Variants in COL6A5 observed in about 807,000 individuals in gnomAD.
COL6A5 encodes collagen alpha-5(VI) chain.
COL6A5 carries 48 observed loss-of-function variants against 65.6 expected under a neutral mutation model. The observed-to-expected ratio is 0.73, with a 90% CI of 0.58 to 0.93. COL6A5 has a LOEUF of 0.93. Ranked by LOEUF, COL6A5 falls within the 40% of genes least tolerant of loss-of-function variation. The pLI is 0.00. For missense variants in COL6A5, 914 were observed against 928.3 expected (o/e 0.98, Z 0.20); for synonymous variants, 291 against 322.8 (o/e 0.90, Z 1.05).
chr3:130,482,580 A>G (rs760790275), intron 7 of COL6A5, among the ~76,000 whole-genome samples: 21 of 152,176 alleles, frequency 1.4e-4, no homozygotes, highest in Admixed American at 5.9e-4. Context: ...AATTCTGTGA[A>G]GAAAGTCAAT....
At chr3:130,477,519 T>C (rs1483609175) in intron 7 of COL6A5, among the ~76,000 whole-genome samples, 1 of 152,062 alleles carries the variant, frequency 6.6e-6, no homozygotes, top group Admixed American at 6.6e-5. Context: ...AGTGGAACTG[T>C]ATCTTTTTTC....
upstream of COL6A5, chr3:130,431,382 A>G (rs1173199747): frequency 2.7e-6 from 4 of 1,457,702 alleles, no homozygotes; most frequent in African/African-American, 4.2e-5. Flanking sequence ...CTCTGTATGA[A>G]CCCACTTCAT....
At chr3:130,349,265 T>C (rs1934615973) in intron 1 of COL6A5, among the ~76,000 whole-genome samples, 1 of 152,212 alleles carries the variant, frequency 6.6e-6, no homozygotes, top group African/African-American at 2.4e-5. Flanking sequence ...GAGAATGGAA[T>C]AATGGAATTA....
intron 12 of COL6A5, among the ~76,000 whole-genome samples, chr3:130,402,439 C>A (rs2107665554): frequency 1.3e-5 from 2 of 152,082 alleles, no homozygotes; most frequent in African/African-American, 4.8e-5. Context: ...TAAAATATGT[C>A]AATGAAAATG....
intron 13 of COL6A5, among the ~76,000 whole-genome samples, chr3:130,405,009 A>T (rs766772626): frequency 1.3e-5 from 2 of 152,228 alleles, no homozygotes; most frequent in Non-Finnish European, 2.9e-5. Context: ...TCCTTGGAGA[A>T]GCAAGGTTGG....
At chr3:130,362,318 ATATATATATTTTTTTT>A (rs1305923401) in intron 1 of COL6A5, among the ~76,000 whole-genome samples, 201 of 4,376 alleles carry the variant, frequency 0.046, 4 homozygotes, top group Non-Finnish European at 0.079. Flanking sequence ...ATATATATAT[ATATATATATTTTTTTT>A]TTTTTTTTTT....
At chr3:130,347,378 ATATT>A (rs1028000387) in intron 1 of COL6A5, among the ~76,000 whole-genome samples, 1 of 151,298 alleles carries the variant, frequency 6.6e-6, no homozygotes, top group African/African-American at 2.4e-5. Flanking sequence ...TTATATATAT[ATATT>A]AAGTTAAAAC....
intron 6 of COL6A5, among the ~76,000 whole-genome samples, chr3:130,389,959 T>C (rs77949734): frequency 0.032 from 4,941 of 152,276 alleles, 97 homozygotes; most frequent in South Asian, 0.082. Flanking sequence ...GAGATTTTCA[T>C]TGGACTTTAT....
intron 6 of COL6A5, 36 bp downstream of exon 6, chr3:130,389,170 G>T: frequency 3.1e-6 from 4 of 1,305,648 alleles, no homozygotes; most frequent in Non-Finnish European, 4.0e-6. Context: ...ACTAAAGGAT[G>T]TGAGCTGTTG....
At chr3:130,354,045 C>CAAGAAAAGCAAGCAAACAAGA in intron 1 of COL6A5, among the ~76,000 whole-genome samples, 1 of 139,518 alleles carries the variant, frequency 7.2e-6, no homozygotes, top group East Asian at 2.1e-4. Flanking sequence ...GTAGAGAAAG[C>CAAGAAAAGCAAGCAAACAAGA]AAGAAAAGCA....
intron 8 of COL6A5, among the ~76,000 whole-genome samples, chr3:130,397,206 T>C (rs1936632490): frequency 6.6e-6 from 1 of 152,194 alleles, no homozygotes; most frequent in Non-Finnish European, 1.5e-5. Flanking sequence ...AATCAAAATA[T>C]GTCACCATTA....
intron 8 of COL6A5, among the ~76,000 whole-genome samples, chr3:130,396,931 C>T (rs912607483): frequency 5.9e-5 from 9 of 152,276 alleles, no homozygotes; most frequent in African/African-American, 1.7e-4. Context: ...GGCACGATCT[C>T]GGCTCACTGC....
exon 6 of COL6A5, chr3:130,469,252 C>T (rs752639877): frequency 9.3e-6 from 15 of 1,612,946 alleles, no homozygotes; most frequent in African/African-American, 2.7e-5. Flanking sequence ...TATCTGCTGG[C>T]GAAACCAACT....
chr3:130,391,004 T>G (rs1254803305), intron 6 of COL6A5, among the ~76,000 whole-genome samples, 175 bp from the exon 7 acceptor site: 1 of 152,214 alleles, frequency 6.6e-6, no homozygotes, highest in African/African-American at 2.4e-5. Flanking sequence ...TGCACTTCTC[T>G]GAGCCTTGAC....
chr3:130,409,894 T>G (rs1208902658), intron 18 of COL6A5, 115 bp from the exon 19 acceptor site: 1 of 600,224 alleles, frequency 1.7e-6, no homozygotes, highest in African/African-American at 1.9e-5. Flanking sequence ...ATGAAAAAAT[T>G]TCTCACACCT....
At chr3:130,371,799 C>G (rs2107633225) in intron 1 of COL6A5, among the ~76,000 whole-genome samples, 1 of 152,022 alleles carries the variant, frequency 6.6e-6, no homozygotes, top group East Asian at 1.9e-4. Flanking sequence ...GCACTAGGAA[C>G]AAAATAAAAC....
intron 2 of COL6A5, among the ~76,000 whole-genome samples, chr3:130,375,992 C>T (rs1260497797): frequency 6.6e-6 from 1 of 152,036 alleles, no homozygotes; most frequent in Non-Finnish European, 1.5e-5. Context: ...TTTAGGGTTC[C>T]AGAACTAAAA....
chr3:130,427,247 A>G (rs963489675), upstream of COL6A5, among the ~76,000 whole-genome samples: 3 of 152,196 alleles, frequency 2.0e-5, no homozygotes, highest in African/African-American at 7.2e-5. Context: ...GTAGAAAAAC[A>G]ATGATTTACT....
chr3:130,409,808 T>C (rs564864717), intron 18 of COL6A5, among the ~76,000 whole-genome samples: 2 of 152,336 alleles, frequency 1.3e-5, no homozygotes, highest in African/African-American at 4.8e-5. Flanking sequence ...TTTTAATTCT[T>C]TATTTATTGC....
Sources: allele counts gnomAD v4.1 joint callset (sites outside exome capture counted in the v4.1 genomes callset), GRCh38; gene constraint gnomAD v4.1.1; transcripts MANE v1.5; gene names NCBI Gene and HGNC (gene_info 2026-07-23, HGNC 2026-07-21).